Variants in DGKI observed in about 807,000 individuals in gnomAD.
The protein encoded by DGKI is DAG kinase iota.
Under a neutral mutation model 147.5 loss-of-function variants are expected in DGKI, and 55 were observed. The observed-to-expected ratio is 0.37, with a 90% CI of 0.30 to 0.47. DGKI has a LOEUF of 0.47. DGKI is among the 20% of genes least tolerant of loss of function. The pLI is 1.00. For synonymous variants in DGKI, 469 were observed against 477.1 expected, an observed-to-expected ratio of 0.98 and a Z score of 0.22; for missense variants, 1,007 against 1,323.8, an observed-to-expected ratio of 0.76 and a Z score of 3.71.
intron 8 of DGKI, among the ~76,000 whole-genome samples, chr7:137,616,837 G>A (rs972990617): frequency 2.6e-5 from 4 of 151,682 alleles, no homozygotes; most frequent in African/African-American, 4.8e-5. Flanking sequence ...ATACTCAAAC[G>A]TTTGTCATGT....
intron 20 of DGKI, among the ~76,000 whole-genome samples, chr7:137,540,925 G>A (rs934660459): frequency 4.6e-5 from 7 of 152,058 alleles, no homozygotes; most frequent in African/African-American, 1.7e-4. Flanking sequence ...TTTATGAACT[G>A]AGAGTCTCAA....
chr7:137,467,011 C>G, intron 24 of DGKI, 69 bp from the exon 25 acceptor site: 1 of 1,482,506 alleles, frequency 6.7e-7, no homozygotes, highest in Non-Finnish European at 9.4e-7. Context: ...ATAACCTTCT[C>G]TTCGACTATG....
intron 23 of DGKI, among the ~76,000 whole-genome samples, chr7:137,472,206 TACAC>T (rs1391383392): frequency 9.5e-6 from 1 of 105,482 alleles, no homozygotes; most frequent in African/African-American, 4.2e-5. Context: ...ATTATATACA[TACAC>T]ATATATATGT....
At chr7:137,533,933 T>C (rs1179075894) in intron 20 of DGKI, among the ~76,000 whole-genome samples, 4 of 152,178 alleles carry the variant, frequency 2.6e-5, no homozygotes. Context: ...CAAAATGTGA[T>C]GTGTTCTAGG....
At chr7:137,404,514 C>A (rs997595913) in intron 30 of DGKI, among the ~76,000 whole-genome samples, 1 of 152,098 alleles carries the variant, frequency 6.6e-6, no homozygotes, top group Non-Finnish European at 1.5e-5. Context: ...GACTGAACAT[C>A]ATAATAACAT....
At chr7:137,743,753 G>T (rs1048481294) in intron 1 of DGKI, among the ~76,000 whole-genome samples, 1 of 152,114 alleles carries the variant, frequency 6.6e-6, no homozygotes, top group Admixed American at 6.5e-5. Context: ...GGAGGCCGAG[G>T]CAGGTGGATC....
intron 30 of DGKI, among the ~76,000 whole-genome samples, chr7:137,404,929 T>C (rs1438209862): frequency 1.3e-5 from 2 of 152,160 alleles, no homozygotes; most frequent in African/African-American, 4.8e-5. Context: ...GCCAGATGAA[T>C]TGATGCCAGG....
chr7:137,518,391 A>T (rs548826758), intron 21 of DGKI, among the ~76,000 whole-genome samples: 2 of 152,246 alleles, frequency 1.3e-5, no homozygotes, highest in South Asian at 4.1e-4. Context: ...CATTAGGGCA[A>T]ATGCTTAACT....
At chr7:137,749,746 T>G (rs994462784) in intron 1 of DGKI, among the ~76,000 whole-genome samples, 2 of 152,176 alleles carry the variant, frequency 1.3e-5, no homozygotes, top group Admixed American at 1.3e-4. Flanking sequence ...TTCTGATTCC[T>G]CATTGGTTCA....
chr7:137,474,439 C>T (rs1815096236), intron 23 of DGKI, among the ~76,000 whole-genome samples: 2 of 151,900 alleles, frequency 1.3e-5, no homozygotes, highest in African/African-American at 2.4e-5. Flanking sequence ...AATCCAGGTA[C>T]GAAGCATAAA....
chr7:137,496,595 A>C (rs1229495050), intron 21 of DGKI, among the ~76,000 whole-genome samples: 1 of 135,776 alleles, frequency 7.4e-6, no homozygotes, highest in Non-Finnish European at 1.5e-5. Context: ...TACTGGTACA[A>C]AAACAGACAC....
intron 28 of DGKI, among the ~76,000 whole-genome samples, chr7:137,437,846 T>C (rs1256518484): frequency 6.6e-6 from 1 of 152,056 alleles, no homozygotes; most frequent in Non-Finnish European, 1.5e-5. Context: ...ACTTTGTAAG[T>C]CAGTGAAGAA....
intron 28 of DGKI, among the ~76,000 whole-genome samples, chr7:137,421,361 T>A (rs1812563930): frequency 6.6e-6 from 1 of 152,236 alleles, no homozygotes; most frequent in African/African-American, 2.4e-5. Flanking sequence ...AATGACAGAA[T>A]TAATCCCCCA....
intron 5 of DGKI, among the ~76,000 whole-genome samples, chr7:137,649,244 T>G (rs1821938231): frequency 6.6e-6 from 1 of 152,164 alleles, no homozygotes; most frequent in Admixed American, 6.6e-5. Flanking sequence ...GGAAAAAAAG[T>G]TACTATAGAA....
chr7:137,801,981 T>C (rs1158953911), intron 1 of DGKI, among the ~76,000 whole-genome samples: 3 of 152,082 alleles, frequency 2.0e-5, no homozygotes, highest in African/African-American at 7.2e-5. Flanking sequence ...TGCAAAAATA[T>C]AAAATGGGCC....
chr7:137,736,860 C>G (rs1216583918), intron 1 of DGKI, among the ~76,000 whole-genome samples: 1 of 152,028 alleles, frequency 6.6e-6, no homozygotes, highest in Admixed American at 6.6e-5. Context: ...AGAGGTCATA[C>G]AGATCACAGT....
At chr7:137,651,374 G>C (rs1262450019) in intron 5 of DGKI, among the ~76,000 whole-genome samples, 6 of 152,186 alleles carry the variant, frequency 3.9e-5, no homozygotes, top group African/African-American at 1.2e-4. Flanking sequence ...AAATGAATTA[G>C]ATGTGGGGAG....
At chr7:137,493,261 C>G (rs192643251) in intron 21 of DGKI, among the ~76,000 whole-genome samples, 1 of 152,140 alleles carries the variant, frequency 6.6e-6, no homozygotes. Flanking sequence ...GCCCCACACC[C>G]GCCAGTGCCC....
chr7:137,441,282 A>C (rs1052833444), intron 28 of DGKI, among the ~76,000 whole-genome samples: 1 of 151,932 alleles, frequency 6.6e-6, no homozygotes, highest in Non-Finnish European at 1.5e-5. Flanking sequence ...TTAGCCGGGC[A>C]TGGTGGCGGC....
Sources: gnomAD v4.1 joint callset for allele counts (sites outside exome capture counted in the v4.1 genomes callset) on GRCh38, gnomAD v4.1.1 for gene constraint, MANE v1.5 for transcripts, NCBI Gene and HGNC (gene_info 2026-07-23, HGNC 2026-07-21) for gene names.